IDO2: variants seen among roughly 807,000 people sequenced by gnomAD.
IDO2 encodes indoleamine 2,3-dioxygenase 2, also known as indoleamine 2,3-dioxygenase-like 1 protein.
In IDO2, 46 loss-of-function variants were observed where a neutral mutation model predicts 45.1. That is an observed-to-expected ratio of 1.02 (90% confidence interval 0.80 to 1.30). The LOEUF (loss-of-function observed/expected upper bound fraction) is 1.30. Among genes scored for constraint, IDO2 ranks in the 50% most tolerant of loss-of-function variants. IDO2 has a pLI of 0.00. For synonymous variants in IDO2, 218 were observed against 184.9 expected (o/e 1.18, Z -1.45); for missense variants, 544 against 491.8 (o/e 1.11, Z -1.00).
chr8:40,013,397 T>A (rs192187741), intron 9 of IDO2, among the ~76,000 whole-genome samples, 168 bp from the exon 10 acceptor site: 16 of 152,182 alleles, frequency 1.1e-4, no homozygotes, highest in African/African-American at 3.9e-4. Flanking sequence ...GAAGCTGGAG[T>A]GAAGATGATG....
In IDO2 at chr8:39,951,375, A is replaced by T. The variant is rs561706878; in HGVS notation, c.99+2111A>T. ...GGAATGGACCGGACTGTTTCCTCTGACACTGCCACTAGGTTGACCAAGTGT... is the reference window on the plus strand; with the variant it reads ...GGAATGGACCGGACTGTTTCCTCTGTCACTGCCACTAGGTTGACCAAGTGT... On this transcript the variant is annotated intron_variant, in intron 2 of 10. Coordinates refer to ENST00000502986, the Ensembl canonical transcript of IDO2. 6.0e-5 allele frequency among the ~76,000 whole-genome samples: 9 copies of T among 149,820 alleles called. 1 individual carries two copies. The highest frequency in any genetic ancestry group is 4.0e-4 in the East Asian group (2 of 4,970).
In IDO2 at chr8:40,003,483, C is replaced by G. The variant is rs531363107; in HGVS notation, c.668-1844C>G. ...CTATCTTCTGCTTTATTCATAGTTACTTGATATTTTTGTTTCTAATAAATA... is the reference window on the plus strand; with the variant it reads ...CTATCTTCTGCTTTATTCATAGTTAGTTGATATTTTTGTTTCTAATAAATA... On this transcript the variant is annotated intron_variant, in intron 8 of 10. Transcript: ENST00000502986. 1.7e-4 allele frequency among the ~76,000 whole-genome samples: 26 copies of G among 151,340 alleles called. 1 individual carries two copies. The Middle Eastern group carries it at 0.017, about 99-fold the overall frequency.
intron 6 of IDO2, chr8:39,987,659 G>A (rs894161224): frequency 2.0e-6 from 1 of 510,792 alleles, no homozygotes; most frequent in Admixed American, 3.1e-5. Flanking sequence ...GAGGCTGCCT[G>A]TCAGGTGAAC....
chr8:40,009,752 C>G (rs1391623325), intron 9 of IDO2, among the ~76,000 whole-genome samples: 2 of 152,106 alleles, frequency 1.3e-5, no homozygotes, highest in Non-Finnish European at 2.9e-5. Context: ...GTCACCTTCA[C>G]TGTGGAAATC....
Position 40,013,558 on chromosome 8 carries a change from T to G in IDO2, c.720-7T>G, listed in dbSNP as rs889670469. On this transcript the variant is annotated splice_polypyrimidine_tract_variant and splice_region_variant and intron_variant, in intron 9 of 10. Coordinates refer to ENST00000502986, the Ensembl canonical transcript of IDO2. Reference sequence around the variant, plus strand: ...CCTTTCATCTCTCTCACTTTTCTCTTGCTTAGATGGAAAGACAACCCAGCA... The same window carrying G: ...CCTTTCATCTCTCTCACTTTTCTCTGGCTTAGATGGAAAGACAACCCAGCA... 1.2e-6 allele frequency: 2 copies of G among 1,611,254 alleles called. No homozygotes were observed. Among genetic ancestry groups the G allele is most frequent in the Non-Finnish European group, 1.7e-6 (2 of 1,178,858 alleles).
chr8:39,977,205 G>C (rs949402366), intron 3 of IDO2, among the ~76,000 whole-genome samples: 1 of 152,120 alleles, frequency 6.6e-6, no homozygotes, highest in South Asian at 2.1e-4. Flanking sequence ...AATAATATAA[G>C]TAGTTAAGAC....
At chr8:39,982,690 C>T in exon 5 of IDO2, 1 of 1,611,908 alleles carries the variant, frequency 6.2e-7, no homozygotes, top group South Asian at 1.1e-5. Context: ...TTGTCGAAGT[C>T]TCCAGGAACT....
chr8:40,000,321 A>G (rs2129595162), intron 8 of IDO2, among the ~76,000 whole-genome samples: 1 of 152,056 alleles, frequency 6.6e-6, no homozygotes, highest in South Asian at 2.1e-4. Flanking sequence ...GAGGCAGGAG[A>G]ATCGCTTGAA....
At chr8:39,979,467 C>T (rs1474582748) in intron 4 of IDO2, among the ~76,000 whole-genome samples, 1 of 152,134 alleles carries the variant, frequency 6.6e-6, no homozygotes, top group African/African-American at 2.4e-5. Context: ...AATTCTCCTG[C>T]CTCAGCCTTT....
chr8:40,011,684 T>G (rs1158289739), intron 9 of IDO2, among the ~76,000 whole-genome samples: 1 of 152,222 alleles, frequency 6.6e-6, no homozygotes, highest in Non-Finnish European at 1.5e-5. Context: ...ATGCTTAACA[T>G]GTTCCAGGCC....
chr8:39,999,435 C>T (rs1007365402), intron 8 of IDO2, among the ~76,000 whole-genome samples: 13 of 151,770 alleles, frequency 8.6e-5, no homozygotes, highest in African/African-American at 2.4e-4. Flanking sequence ...CCTGCCAACA[C>T]GCCAGGCTAA....
intron 2 of IDO2, among the ~76,000 whole-genome samples, chr8:39,952,173 A>C (rs1413946759): frequency 6.6e-6 from 1 of 152,176 alleles, no homozygotes; most frequent in African/African-American, 2.4e-5. Flanking sequence ...TGCTTCACAG[A>C]TAAGGAGGGA....
chr8:39,954,167 C>T (rs1005662526), intron 2 of IDO2, among the ~76,000 whole-genome samples: 6 of 152,208 alleles, frequency 3.9e-5, no homozygotes, highest in African/African-American at 1.4e-4. Context: ...TGTAAAAACT[C>T]TCCACTCCTA....
At chr8:40,009,271 C>T (rs1423785564) in intron 9 of IDO2, among the ~76,000 whole-genome samples, 3 of 152,028 alleles carry the variant, frequency 2.0e-5, no homozygotes, top group African/African-American at 4.8e-5. Flanking sequence ...CACCTTGGTC[C>T]CCCAAAGTGC....
chr8:39,936,659 T>C (rs1585390862), intron 1 of IDO2, among the ~76,000 whole-genome samples: 1 of 151,980 alleles, frequency 6.6e-6, no homozygotes, highest in South Asian at 2.1e-4. Context: ...CTCTTAAGAG[T>C]AGATTAAGTA....
chr8:40,004,488 G>A (rs1242636014), intron 8 of IDO2, among the ~76,000 whole-genome samples: 1 of 151,832 alleles, frequency 6.6e-6, no homozygotes, highest in African/African-American at 2.4e-5. Context: ...TGTTATTTAG[G>A]CCTCACATAA....
At position 39,987,677 on chromosome 8, in the gene IDO2, T is replaced by C. The variant is rs140313622; in HGVS notation, c.450-194T>C. 3.1e-3 allele frequency: 1,663 copies of C among 531,158 alleles called. 22 individuals carry two copies. The highest frequency in any genetic ancestry group is 0.028 in the African/African-American group (1,509 of 53,064). 32.9% of individuals were successfully genotyped at this position (531,158 alleles called of 1,614,324 possible). The stretch of plus-strand genomic sequence containing the variant: ...GCTGCCTGTCAGGTGAACATGAAAT[T>C]GAACTTATCTGTTCTCTTTCCTCCC... On this transcript the variant is annotated intron_variant, in intron 6 of 10. Coordinates refer to ENST00000502986, the Ensembl canonical transcript of IDO2.
At chr8:39,979,785 C>G (rs544432627) in intron 4 of IDO2, among the ~76,000 whole-genome samples, 1 of 152,270 alleles carries the variant, frequency 6.6e-6, no homozygotes, top group East Asian at 1.9e-4. Context: ...TTGGCACTCT[C>G]TTCCAAGAAT....
At chr8:40,010,149 G>C (rs777292560) in intron 9 of IDO2, among the ~76,000 whole-genome samples, 5 of 152,192 alleles carry the variant, frequency 3.3e-5, no homozygotes, top group Non-Finnish European at 7.3e-5. Context: ...GAGAGTATTA[G>C]AGACTGTCGA....
Sources: gnomAD v4.1 joint callset for allele counts (sites outside exome capture counted in the v4.1 genomes callset) on GRCh38, gnomAD v4.1.1 for gene constraint, MANE v1.5 for transcripts, NCBI Gene and HGNC (gene_info 2026-07-23, HGNC 2026-07-21) for gene names.